CORO2B: variants seen among roughly 807,000 people sequenced by gnomAD.
The protein encoded by CORO2B is coronin 2B.
CORO2B carries 26 observed loss-of-function variants against 58.8 expected under a neutral mutation model. The observed-to-expected ratio is 0.44, with a 90% CI of 0.32 to 0.61. CORO2B has a LOEUF of 0.61. Ranked by LOEUF, CORO2B falls within the 20% of genes least tolerant of loss-of-function variation. The probability of loss-of-function intolerance (pLI) is 0.04; values close to 1 mark genes in which losing one functional copy is unlikely to be tolerated. For synonymous variants in CORO2B, 242 were observed against 253.8 expected (o/e 0.95, Z 0.44); for missense variants, 460 against 645.1 (o/e 0.71, Z 3.11).
At chr15:68,532,726 G>C in the CORO2B span, among the ~76,000 whole-genome samples, 3 of 152,166 alleles carry the variant, frequency 2.0e-5, no homozygotes, top group Non-Finnish European at 4.4e-5. Context: ...ATATTACGCT[G>C]TTCAGTATTT....
At chr15:68,529,559 A>G in the CORO2B span, among the ~76,000 whole-genome samples, 1 of 152,174 alleles carries the variant, frequency 6.6e-6, no homozygotes, top group Non-Finnish European at 1.5e-5. Context: ...TATCTCTAGC[A>G]TCTCTAGTTA....
chr15:68,723,338 T>A (rs1020350354), intron 11 of CORO2B, among the ~76,000 whole-genome samples: 1 of 151,926 alleles, frequency 6.6e-6, no homozygotes, highest in Non-Finnish European at 1.5e-5. Context: ...GCCAGGCTGG[T>A]CTTGAACTCC....
At chr15:68,636,272 A>G (rs972244754) in intron 1 of CORO2B, among the ~76,000 whole-genome samples, 76 of 152,286 alleles carry the variant, frequency 5.0e-4, no homozygotes, top group African/African-American at 1.7e-3. Flanking sequence ...TAGGGGAGGT[A>G]GGAAGCTGTC....
chr15:68,722,608 A>T (rs549109798), intron 11 of CORO2B, among the ~76,000 whole-genome samples: 34 of 152,328 alleles, frequency 2.2e-4, no homozygotes, highest in Non-Finnish European at 4.0e-4. Flanking sequence ...GGACCAAAAA[A>T]CAATGCAAAG....
intron 1 of CORO2B, among the ~76,000 whole-genome samples, chr15:68,596,854 G>A (rs1899844004): frequency 6.6e-6 from 1 of 152,092 alleles, no homozygotes; most frequent in South Asian, 2.1e-4. Context: ...CACTCCCCAC[G>A]CCCCTTCCCA....
intron 2 of CORO2B, among the ~76,000 whole-genome samples, chr15:68,674,457 C>T (rs945875274): frequency 1.1e-4 from 16 of 152,250 alleles, no homozygotes; most frequent in African/African-American, 3.9e-4. Flanking sequence ...CCTGCTGCCC[C>T]TTCCTGTGAG....
At chr15:68,668,765 G>GT (rs1376841944) in intron 2 of CORO2B, among the ~76,000 whole-genome samples, 8 of 152,236 alleles carry the variant, frequency 5.3e-5, no homozygotes, top group Non-Finnish European at 1.0e-4. Flanking sequence ...AAGAAATATG[G>GT]TAACAACACA....
chr15:68,570,799 G>GCTT, the CORO2B span, among the ~76,000 whole-genome samples: 5 of 78,772 alleles, frequency 6.3e-5, 1 homozygote, highest in African/African-American at 2.7e-4. Flanking sequence ...ACTACACGTA[G>GCTT]TTTTTTTTTT....
At chr15:68,624,624 A>C (rs572913837) in intron 1 of CORO2B, among the ~76,000 whole-genome samples, 1 of 151,690 alleles carries the variant, frequency 6.6e-6, no homozygotes, top group South Asian at 2.1e-4. Flanking sequence ...CCTGGGGTCC[A>C]TGCCCAGAGA....
intron 2 of CORO2B, among the ~76,000 whole-genome samples, chr15:68,693,343 G>A (rs573995198): frequency 6.6e-6 from 1 of 152,354 alleles, no homozygotes; most frequent in South Asian, 2.1e-4. Flanking sequence ...TCACTGGGAA[G>A]TGCCAGGCAT....
the CORO2B span, among the ~76,000 whole-genome samples, chr15:68,563,321 C>A: frequency 6.6e-6 from 1 of 151,642 alleles, no homozygotes; most frequent in African/African-American, 2.4e-5. Flanking sequence ...GACTACATCC[C>A]TACAAAAAAA....
At chr15:68,671,538 G>A (rs1902394749) in intron 2 of CORO2B, among the ~76,000 whole-genome samples, 1 of 152,196 alleles carries the variant, frequency 6.6e-6, no homozygotes, top group African/African-American at 2.4e-5. Flanking sequence ...AATGTGGCTG[G>A]GTAGTTCTGG....
chr15:68,678,044 C>T (rs972555693), intron 2 of CORO2B, among the ~76,000 whole-genome samples: 1 of 151,518 alleles, frequency 6.6e-6, no homozygotes, highest in Non-Finnish European at 1.5e-5. Flanking sequence ...CCATAATTAA[C>T]AGGAGCTCTC....
At chr15:68,520,788 G>A in the CORO2B span, among the ~76,000 whole-genome samples, 3 of 152,224 alleles carry the variant, frequency 2.0e-5, no homozygotes, top group African/African-American at 7.2e-5. Context: ...GCTCATGCTT[G>A]TAATCCCAGC....
intron 1 of CORO2B, among the ~76,000 whole-genome samples, chr15:68,612,423 A>T (rs74020252): frequency 1.3e-3 from 200 of 152,198 alleles, no homozygotes; most frequent in African/African-American, 4.7e-3. Flanking sequence ...AGAAAAGGAG[A>T]ATGAGAAATG....
chr15:68,609,637 A>G (rs1900201668), intron 1 of CORO2B, among the ~76,000 whole-genome samples: 1 of 152,068 alleles, frequency 6.6e-6, no homozygotes, highest in African/African-American at 2.4e-5. Context: ...AGCTCCTTCC[A>G]CTGCCAGGCC....
chr15:68,549,695 T>A, the CORO2B span, among the ~76,000 whole-genome samples: 1 of 152,166 alleles, frequency 6.6e-6, no homozygotes, highest in African/African-American at 2.4e-5. Flanking sequence ...TCCCAGCACT[T>A]TGGGAGGCCG....
intron 11 of CORO2B, among the ~76,000 whole-genome samples, chr15:68,721,744 G>GTATGTATT (rs1893166099): frequency 6.9e-6 from 1 of 144,140 alleles, no homozygotes; most frequent in South Asian, 2.1e-4. Flanking sequence ...GTGTTTTCTT[G>GTATGTATT]TATTTATTTA....
the CORO2B span, among the ~76,000 whole-genome samples, chr15:68,531,555 G>GAAAGAGAAAGAAAGA: frequency 6.4e-5 from 5 of 77,830 alleles, no homozygotes; most frequent in East Asian, 6.8e-4. Context: ...AAGGAAGGAA[G>GAAAGAGAAAGAAAGA]GAAAGAAAGA....
Sources: gnomAD v4.1 joint callset for allele counts (sites outside exome capture counted in the v4.1 genomes callset) on GRCh38, gnomAD v4.1.1 for gene constraint, MANE v1.5 for transcripts, NCBI Gene and HGNC (gene_info 2026-07-23, HGNC 2026-07-21) for gene names.